CCNY: variants seen among roughly 807,000 people sequenced by gnomAD.
The protein encoded by CCNY is cyclin-Y.
CCNY carries 19 observed loss-of-function variants against 42.8 expected under a neutral mutation model. The ratio of observed to expected loss-of-function variants is 0.44; its 90% CI spans 0.31 to 0.65. CCNY has a LOEUF of 0.65. Ranked by LOEUF, CCNY falls within the 30% of genes least tolerant of loss-of-function variation. CCNY has a pLI of 0.07. For missense variants in CCNY, 370 were observed against 437.3 expected, an observed-to-expected ratio of 0.85 and a Z score of 1.37; for synonymous variants, 165 against 162.7, an observed-to-expected ratio of 1.01 and a Z score of -0.11.
intron 7 of CCNY, among the ~76,000 whole-genome samples, chr10:35,534,024 CTTT>C (rs796729108): frequency 6.9e-6 from 1 of 143,944 alleles, no homozygotes. Flanking sequence ...CATTGCTTAA[CTTT>C]TTTTTTTTTT....
intron 3 of CCNY, among the ~76,000 whole-genome samples, chr10:35,267,650 C>T (rs948432067): frequency 6.6e-6 from 1 of 152,172 alleles, no homozygotes; most frequent in Non-Finnish European, 1.5e-5. Flanking sequence ...GTTGCTCCCT[C>T]TTGTGACAGA....
chr10:35,307,758 ATATGTG>A (rs1185534338), intron 3 of CCNY, among the ~76,000 whole-genome samples: 46 of 99,780 alleles, frequency 4.6e-4, no homozygotes, highest in African/African-American at 2.0e-3. Context: ...TGATGTGTAT[ATATGTG>A]TGTGTGTGTG....
At chr10:35,389,509 G>A (rs1222311677) in intron 1 of CCNY, among the ~76,000 whole-genome samples, 1 of 147,302 alleles carries the variant, frequency 6.8e-6, no homozygotes, top group African/African-American at 2.5e-5. Context: ...GTATGATCTC[G>A]GCTTGCTGCA....
intron 1 of CCNY, among the ~76,000 whole-genome samples, chr10:35,455,890 C>T (rs1249450631): frequency 6.9e-6 from 1 of 145,606 alleles, no homozygotes; most frequent in Non-Finnish European, 1.5e-5. Context: ...ACAATCATAG[C>T]TCACTGAAGC....
chr10:35,251,589 C>CTTTTTTTTTTTTT (rs34197441), intron 3 of CCNY, among the ~76,000 whole-genome samples: 2 of 139,346 alleles, frequency 1.4e-5, no homozygotes, highest in Non-Finnish European at 1.6e-5. Context: ...TTCAATGTCA[C>CTTTTTTTTTTTTT]TTTTTTTTTT....
intron 1 of CCNY, among the ~76,000 whole-genome samples, chr10:35,461,499 G>A (rs1409559544): frequency 6.6e-6 from 1 of 152,132 alleles, no homozygotes; most frequent in African/African-American, 2.4e-5. Flanking sequence ...AGATGTCGAG[G>A]GTCAGGGGTT....
At chr10:35,543,534 G>A (rs192236712) in intron 7 of CCNY, among the ~76,000 whole-genome samples, 42 of 151,814 alleles carry the variant, frequency 2.8e-4, no homozygotes, top group African/African-American at 9.2e-4. Context: ...TAGGTTTCAG[G>A]TGTTTGTGGT....
chr10:35,446,755 G>A (rs1398816005), intron 1 of CCNY, among the ~76,000 whole-genome samples: 1 of 152,162 alleles, frequency 6.6e-6, no homozygotes, highest in African/African-American at 2.4e-5. Context: ...CTTGCCCCTT[G>A]TGGGATCTGT....
intron 3 of CCNY, among the ~76,000 whole-genome samples, chr10:35,509,998 C>T (rs1470330076): frequency 5.3e-5 from 8 of 152,254 alleles, no homozygotes; most frequent in East Asian, 3.9e-4. Flanking sequence ...GCAGGCCTTT[C>T]GTTCATTCCT....
chr10:35,345,451 A>G (rs972755876), intron 1 of CCNY, among the ~76,000 whole-genome samples: 44 of 148,758 alleles, frequency 3.0e-4, no homozygotes, highest in African/African-American at 1.1e-3. Flanking sequence ...CCTGGGTGAC[A>G]GTGAGACTCC....
intron 1 of CCNY, among the ~76,000 whole-genome samples, chr10:35,367,027 A>G (rs540193232): frequency 6.6e-6 from 1 of 152,344 alleles, no homozygotes; most frequent in East Asian, 1.9e-4. Flanking sequence ...TTGTTCTCAT[A>G]TAAAATTCCC....
chr10:35,555,092 G>A (rs1841337607), intron 8 of CCNY, among the ~76,000 whole-genome samples: 1 of 152,168 alleles, frequency 6.6e-6, no homozygotes, highest in Admixed American at 6.5e-5. Flanking sequence ...TATGTCAGTT[G>A]AATCCTCTCA....
chr10:35,445,259 G>T (rs1230268847), intron 1 of CCNY, among the ~76,000 whole-genome samples: 2 of 152,190 alleles, frequency 1.3e-5, no homozygotes, highest in African/African-American at 4.8e-5. Flanking sequence ...TCAAGTTCCA[G>T]GTAGAGCCAT....
At chr10:35,519,105 G>A (rs17579886) in intron 4 of CCNY, among the ~76,000 whole-genome samples, 1 of 143,024 alleles carries the variant, frequency 7.0e-6, no homozygotes, top group Non-Finnish European at 1.5e-5. Flanking sequence ...GCTGAGGTAT[G>A]CTGTGAGTAT....
intron 1 of CCNY, among the ~76,000 whole-genome samples, chr10:35,356,117 C>T (rs902250008): frequency 1.3e-5 from 2 of 152,170 alleles, no homozygotes; most frequent in South Asian, 2.1e-4. Context: ...TCTGGCTTAG[C>T]TGCAAGAAAG....
chr10:35,306,791 G>A (rs1835611610), intron 3 of CCNY, among the ~76,000 whole-genome samples: 1 of 152,014 alleles, frequency 6.6e-6, no homozygotes, highest in Non-Finnish European at 1.5e-5. Context: ...GAGTCATCCT[G>A]GCTTTTGTGT....
intron 3 of CCNY, among the ~76,000 whole-genome samples, chr10:35,317,922 G>C (rs1195367370): frequency 6.6e-6 from 1 of 152,190 alleles, no homozygotes; most frequent in African/African-American, 2.4e-5. Flanking sequence ...TACATGCAGG[G>C]CTAAGTGCTA....
chr10:35,560,278 C>T (rs541261469), intron 8 of CCNY, among the ~76,000 whole-genome samples: 9 of 152,218 alleles, frequency 5.9e-5, no homozygotes, highest in African/African-American at 1.4e-4. Flanking sequence ...GGCAGTGTTG[C>T]GGGGCTGAAC....
intron 1 of CCNY, among the ~76,000 whole-genome samples, chr10:35,439,963 G>A (rs1838629654): frequency 6.6e-6 from 1 of 151,782 alleles, no homozygotes; most frequent in African/African-American, 2.4e-5. Context: ...GTAGGGAGCT[G>A]GTTATTACTG....
Sources: gnomAD v4.1 joint callset for allele counts (sites outside exome capture counted in the v4.1 genomes callset) on GRCh38, gnomAD v4.1.1 for gene constraint, MANE v1.5 for transcripts, NCBI Gene and HGNC (gene_info 2026-07-23, HGNC 2026-07-21) for gene names.